The following SCML2 variants were observed in gnomAD, a reference collection of about 807,000 sequenced individuals.
SCML2 encodes the protein Scm polycomb group protein like 2.
A neutral mutation model predicts 48.4 loss-of-function variants in SCML2; 6 were observed. That is an observed-to-expected ratio of 0.12 (90% CI 0.07 to 0.24). SCML2 has a LOEUF of 0.24. Ranked by LOEUF, SCML2 falls within the 10% of genes least tolerant of loss-of-function variation. The pLI, the probability that SCML2 is intolerant of heterozygous loss-of-function variation, is 1.00. For synonymous variants in SCML2, 181 were observed against 189.5 expected (o/e 0.95, Z 0.37); for missense variants, 377 against 528.2 (o/e 0.71, Z 2.81).
intron 7 of SCML2, among the ~76,000 whole-genome samples, chrX:18,300,943 T>C (rs889563046): frequency 3.6e-5 from 4 of 110,439 alleles, no homozygotes; most frequent in Non-Finnish European, 5.7e-5. Flanking sequence ...AGCCACAAAA[T>C]AGATAAAGCA....
intron 7 of SCML2, among the ~76,000 whole-genome samples, chrX:18,277,889 G>A (rs1219673551): frequency 9.0e-6 from 1 of 110,790 alleles, no homozygotes; most frequent in Non-Finnish European, 1.9e-5. Context: ...CAAATTAGCT[G>A]GGTGTGGTAG....
intron 1 of SCML2, among the ~76,000 whole-genome samples, chrX:18,344,901 T>C (rs1273448801): frequency 1.8e-5 from 2 of 111,399 alleles, no homozygotes; most frequent in Admixed American, 1.9e-4. Context: ...GATTCAATGA[T>C]AATGGTGTTG....
rs1199915063 is a variant in SCML2, at chrX:18,240,850, T to G, written c.*401A>C. On this transcript the variant is annotated 3_prime_UTR_variant, in exon 15 of 15. Coordinates refer to ENST00000251900, the MANE Select transcript of SCML2 (RefSeq NM_006089.3). ...TTTAATTATAGAAGTTGTCAATCCCTGATATTTTCCCCTTTGGGATTTAGC... is the reference window on the plus strand; with the variant it reads ...TTTAATTATAGAAGTTGTCAATCCCGGATATTTTCCCCTTTGGGATTTAGC... 8.8e-6 allele frequency: 1 copy of G among 113,602 alleles called. No individual in the cohort carries two copies. Among genetic ancestry groups the G allele is most frequent in the Non-Finnish European group, 1.9e-5 (1 of 53,851 alleles). The allele number at this position is 113,602 out of a possible 1,213,427, so 9.4% of individuals were successfully genotyped here. A position where few individuals can be genotyped will look rare whatever the true frequency, so the allele number is the denominator to read the frequency against.
chrX:18,342,322 G>GA (rs1033236790), intron 1 of SCML2, among the ~76,000 whole-genome samples: 1 of 108,194 alleles, frequency 9.2e-6, no homozygotes, highest in African/African-American at 3.4e-5. Context: ...TCCACTGTGT[G>GA]AAAAAACATT....
At chrX:18,287,879 T>TCCCC (rs1928108853) in intron 7 of SCML2, among the ~76,000 whole-genome samples, 1 of 111,191 alleles carries the variant, frequency 9.0e-6, no homozygotes, top group South Asian at 3.8e-4. Context: ...TGTAAACTAC[T>TCCCC]CCCCCCTTCA....
In SCML2 at chrX:18,265,577, CAACT is replaced by C; in HGVS notation, c.948+4_948+7del. 1 of 1,192,196 alleles carries C rather than the reference CAACT, an allele frequency of 8.4e-7. No homozygotes were observed. ...CTATAATACAAATTAGGAGGACATA[CAACT>C]AACCTTTTTTCCTGAGTTTGGACCT... On this transcript the variant is annotated splice_donor_5th_base_variant and intron_variant, in intron 8 of 14. Coordinates refer to ENST00000251900, the MANE Select transcript of SCML2 (RefSeq NM_006089.3).
intron 7 of SCML2, among the ~76,000 whole-genome samples, chrX:18,302,579 G>A (rs5909445): frequency 4.5e-5 from 5 of 111,084 alleles, no homozygotes; most frequent in Non-Finnish European, 7.5e-5. Context: ...TTTAAATGTC[G>A]ACCCACAAGG....
chrX:18,329,432 C>T (rs1171234578), intron 3 of SCML2, among the ~76,000 whole-genome samples: 1 of 112,096 alleles, frequency 8.9e-6, no homozygotes, highest in Admixed American at 9.5e-5. Context: ...AACTGCTCTG[C>T]ACTGGGGCTG....
chrX:18,292,835 A>G (rs61166521), intron 7 of SCML2, among the ~76,000 whole-genome samples: 24,128 of 110,944 alleles, frequency 0.22, 2,029 homozygotes, highest in Middle Eastern at 0.33. Context: ...TACACTGTAT[A>G]TATTTGAGGG....
intron 1 of SCML2, among the ~76,000 whole-genome samples, chrX:18,343,529 C>T (rs1471788282): frequency 2.7e-5 from 3 of 109,807 alleles, no homozygotes; most frequent in South Asian, 7.6e-4. Context: ...GGGAGGCCAA[C>T]GCAGGTGGAT....
At chrX:18,267,241 C>G (rs987923604) in intron 7 of SCML2, among the ~76,000 whole-genome samples, 2 of 111,851 alleles carry the variant, frequency 1.8e-5, no homozygotes, top group African/African-American at 6.5e-5. Flanking sequence ...TTCAAACCAA[C>G]TGATCAGGCT....
At position 18,240,710 on chromosome X, in the gene SCML2, G is replaced by A. The variant is rs1926232891; in HGVS notation, c.*541C>T. The A allele has an allele frequency of 8.9e-6, 1 of 111,970 alleles. No individual in the cohort carries two copies. The allele number at this position is 111,970 out of a possible 1,213,427, so 9.2% of individuals were successfully genotyped here. ...AATTTATATGGCTATTCCCTTTCTA[G>A]ATATACTGATAGAACATGAACAGAA... On this transcript the variant is annotated 3_prime_UTR_variant, in exon 15 of 15. Transcript: ENST00000251900.
At chrX:18,322,587 T>C (rs1161018029) in intron 5 of SCML2, among the ~76,000 whole-genome samples, 1 of 111,764 alleles carries the variant, frequency 8.9e-6, no homozygotes, top group Non-Finnish European at 1.9e-5. Context: ...ATAACATATC[T>C]CCAACTAGTT....
At chrX:18,345,448 T>C in intron 1 of SCML2, among the ~76,000 whole-genome samples, 1 of 110,492 alleles carries the variant, frequency 9.1e-6, no homozygotes, top group East Asian at 2.9e-4. Flanking sequence ...TGGAGTGCAG[T>C]GGAGTGATCA....
intron 1 of SCML2, 94 bp downstream of exon 1, chrX:18,354,498 G>C (rs1387386300): frequency 4.4e-6 from 1 of 224,859 alleles, no homozygotes; most frequent in African/African-American, 2.9e-5. Flanking sequence ...GACGCGCGCT[G>C]ATGGCTTCTA....
Position 18,333,947 on chromosome X carries a change from AT to A in SCML2, c.22+102del, listed in dbSNP as rs1362322312. The A allele has an allele frequency of 5.1e-5, 38 of 739,383 alleles. No individual in the cohort carries two copies. In the Middle Eastern group the frequency reaches 1.3e-3, roughly 25 times the overall value. 60.9% of individuals were successfully genotyped at this position (739,383 alleles called of 1,213,427 possible). A position where few individuals can be genotyped will look rare whatever the true frequency, so the allele number is the denominator to read the frequency against. On this transcript the variant is annotated intron_variant, in intron 2 of 14. Coordinates refer to ENST00000251900, the MANE Select transcript of SCML2 (RefSeq NM_006089.3). ...TCTAAGCACCTAGCATCTCCTATAAATTTATTTTTTAAAGGCTTTATTTCAA... is the reference window on the plus strand; with the variant it reads ...TCTAAGCACCTAGCATCTCCTATAAATTATTTTTTAAAGGCTTTATTTCAA...
chrX:18,348,636 G>A (rs1255758724), intron 1 of SCML2, among the ~76,000 whole-genome samples: 1 of 111,552 alleles, frequency 9.0e-6, no homozygotes, highest in Admixed American at 9.5e-5. Flanking sequence ...CAAAGATGCC[G>A]TGTTTCATTT....
intron 1 of SCML2, among the ~76,000 whole-genome samples, chrX:18,343,171 CT>C (rs200760857): frequency 9.7e-5 from 10 of 103,309 alleles, no homozygotes; most frequent in Non-Finnish European, 1.2e-4. Flanking sequence ...CCCCACCTCC[CT>C]TTTTTTTTTA....
intron 7 of SCML2, among the ~76,000 whole-genome samples, chrX:18,285,131 T>C (rs774822545): frequency 1.5e-4 from 17 of 110,698 alleles, no homozygotes; most frequent in African/African-American, 5.3e-4. Flanking sequence ...AGTTCAGCCA[T>C]TGTGGAAAAT....
Sources: allele counts gnomAD v4.1 joint callset (sites outside exome capture counted in the v4.1 genomes callset), GRCh38; gene constraint gnomAD v4.1.1; transcripts MANE v1.5; gene names NCBI Gene and HGNC (gene_info 2026-07-23, HGNC 2026-07-21).